The following CTNNA2 variants were observed in gnomAD, a reference collection of about 807,000 sequenced individuals.
CTNNA2 encodes catenin alpha-2.
In CTNNA2, 42 loss-of-function variants were observed where a neutral mutation model predicts 101.0. The observed-to-expected ratio is 0.42, with a 90% CI of 0.32 to 0.54. The LOEUF is 0.54. CTNNA2 is among the 20% of genes least tolerant of loss of function. The pLI, the probability that CTNNA2 is intolerant of heterozygous loss-of-function variation, is 0.14. For missense variants in CTNNA2, 871 were observed against 1,223.1 expected, an observed-to-expected ratio of 0.71 and a Z score of 4.29; for synonymous variants, 450 against 456.4, an observed-to-expected ratio of 0.99 and a Z score of 0.18.
chr2:79,752,473 A>G (rs1022366815), intron 3 of CTNNA2, among the ~76,000 whole-genome samples: 8 of 152,242 alleles, frequency 5.3e-5, no homozygotes, highest in Admixed American at 6.5e-5. Context: ...GGAAGCCACA[A>G]GGGCAATAGC....
At chr2:80,581,614 G>A (rs1468561688) in intron 13 of CTNNA2, 92 bp from the exon 14 acceptor site, 2 of 777,052 alleles carry the variant, frequency 2.6e-6, no homozygotes, top group African/African-American at 1.7e-5. Flanking sequence ...AGCTCTGTTT[G>A]CTGGGGGATA....
intron 7 of CTNNA2, among the ~76,000 whole-genome samples, chr2:80,300,277 TTGGGGTGTGTGTGTGTG>T (rs1676131732): frequency 9.6e-6 from 1 of 104,440 alleles, no homozygotes; most frequent in South Asian, 3.8e-4. Flanking sequence ...AGCTGGGGTG[TTGGGGTGTGTGTGTGTG>T]TGTGTGTGTG....
At chr2:80,559,063 G>A (rs561873747) in intron 12 of CTNNA2, among the ~76,000 whole-genome samples, 1 of 152,216 alleles carries the variant, frequency 6.6e-6, no homozygotes, top group South Asian at 2.1e-4. Context: ...ATGCCAAGTT[G>A]TAACCACCAA....
At chr2:80,071,954 G>C (rs925218134) in intron 7 of CTNNA2, among the ~76,000 whole-genome samples, 12 of 152,168 alleles carry the variant, frequency 7.9e-5, no homozygotes, top group Non-Finnish European at 1.3e-4. Flanking sequence ...GAGGCACTAA[G>C]ACTCAGATTA....
intron 1 of CTNNA2, among the ~76,000 whole-genome samples, chr2:79,605,866 C>T (rs1342191538): frequency 6.6e-6 from 1 of 152,024 alleles, no homozygotes; most frequent in Non-Finnish European, 1.5e-5. Flanking sequence ...GAGTTCAAGG[C>T]TGCAAAGAGC....
At chr2:79,333,946 A>G (rs552255932) in intron 3 of CTNNA2, among the ~76,000 whole-genome samples, 3 of 152,116 alleles carry the variant, frequency 2.0e-5, no homozygotes, top group African/African-American at 7.2e-5. Flanking sequence ...TTTTGTTATT[A>G]TTTTTAATTG....
At chr2:80,384,755 A>G (rs1357248848) in intron 7 of CTNNA2, among the ~76,000 whole-genome samples, 1 of 151,702 alleles carries the variant, frequency 6.6e-6, no homozygotes, top group Non-Finnish European at 1.5e-5. Context: ...GCTGGGGAAA[A>G]CCCTGTGAAT....
chr2:80,200,827 C>G (rs929442661), intron 7 of CTNNA2, among the ~76,000 whole-genome samples: 1 of 151,952 alleles, frequency 6.6e-6, no homozygotes, highest in African/African-American at 2.4e-5. Flanking sequence ...AGCCACCATG[C>G]CTGGCTGTGA....
At chr2:80,204,729 T>C (rs989172052) in intron 7 of CTNNA2, among the ~76,000 whole-genome samples, 7 of 152,064 alleles carry the variant, frequency 4.6e-5, no homozygotes, top group Admixed American at 1.3e-4. Context: ...TGTTTTTGGG[T>C]ATCTTTTCAG....
Position 79,378,986 on chromosome 2 carries a change from C to T in CTNNA2, c.-135+4973C>T, listed in dbSNP as rs958044213. On this transcript the variant is annotated intron_variant, in intron 4 of 21. Coordinates refer to the CTNNA2 transcript ENST00000466387. ...GACTAGATAGCACATCTCTCACCTT[C>T]CCAGCCTCAGTACCACTTGTTTTCC... 3.4e-4 allele frequency among the ~76,000 whole-genome samples: 51 copies of T among 152,126 alleles called. 1 individual carries two copies. Among genetic ancestry groups the T allele is most frequent in the African/African-American group, 1.2e-3 (51 of 41,432 alleles).
intron 3 of CTNNA2, among the ~76,000 whole-genome samples, chr2:79,748,760 A>G (rs1344295063): frequency 2.0e-5 from 3 of 151,944 alleles, no homozygotes; most frequent in African/African-American, 7.3e-5. Context: ...TATATCTTTT[A>G]AACCTGGCTG....
intron 3 of CTNNA2, among the ~76,000 whole-genome samples, chr2:79,762,649 A>G (rs570947972): frequency 1.1e-4 from 16 of 152,346 alleles, no homozygotes; most frequent in African/African-American, 3.6e-4. Context: ...AAAAATCAGC[A>G]TCTTTCAATT....
intron 7 of CTNNA2, among the ~76,000 whole-genome samples, chr2:80,385,032 C>G (rs975759147): frequency 6.6e-6 from 1 of 152,010 alleles, no homozygotes; most frequent in African/African-American, 2.4e-5. Flanking sequence ...CCAAGTGTGT[C>G]ATTCATTGAC....
At chr2:80,267,814 T>C (rs1673128961) in intron 7 of CTNNA2, among the ~76,000 whole-genome samples, 1 of 152,208 alleles carries the variant, frequency 6.6e-6, no homozygotes, top group Non-Finnish European at 1.5e-5. Context: ...AGTGGATTTT[T>C]CAGTGAGGAT....
At chr2:80,042,288 T>C (rs535703127) in intron 7 of CTNNA2, among the ~76,000 whole-genome samples, 1 of 152,298 alleles carries the variant, frequency 6.6e-6, no homozygotes, top group South Asian at 2.1e-4. Flanking sequence ...TTTTGTTTTG[T>C]TCTGTTTTTG....
chr2:79,709,665 C>G (rs141912825), intron 2 of CTNNA2, among the ~76,000 whole-genome samples: 178 of 152,120 alleles, frequency 1.2e-3, no homozygotes, highest in Non-Finnish European at 2.2e-3. Context: ...GTATGCCAGA[C>G]CTCAGAAACT....
intron 9 of CTNNA2, among the ~76,000 whole-genome samples, chr2:80,446,764 A>T: frequency 6.6e-6 from 1 of 152,112 alleles, no homozygotes; most frequent in Non-Finnish European, 1.5e-5. Context: ...AGCAGTACAG[A>T]CTCCTATTAA....
chr2:80,624,847 G>T (rs62152007), intron 18 of CTNNA2, among the ~76,000 whole-genome samples: 9,271 of 151,844 alleles, frequency 0.061, 310 homozygotes, highest in African/African-American at 0.094. Context: ...AAGGATATAT[G>T]TATCTATATC....
chr2:80,464,025 A>G (rs1355347812), intron 9 of CTNNA2, among the ~76,000 whole-genome samples: 3 of 151,630 alleles, frequency 2.0e-5, no homozygotes, highest in Admixed American at 2.0e-4. Context: ...CCTCTTTCAT[A>G]TTTTTCCTTC....
Sources: allele counts gnomAD v4.1 joint callset (sites outside exome capture counted in the v4.1 genomes callset), GRCh38; gene constraint gnomAD v4.1.1; transcripts MANE v1.5; gene names NCBI Gene and HGNC (gene_info 2026-07-23, HGNC 2026-07-21).